NCK1: variants seen among roughly 807,000 people sequenced by gnomAD.
The protein encoded by NCK1 is NCK adaptor protein 1.
NCK1 carries 19 observed loss-of-function variants against 36.6 expected under a neutral mutation model. The observed-to-expected ratio is 0.52, with a 90% CI of 0.36 to 0.76. The LOEUF (loss-of-function observed/expected upper bound fraction) is 0.76, where lower values mean the gene tolerates loss of function less well. Ranked by LOEUF, NCK1 falls within the 30% of genes least tolerant of loss-of-function variation. The probability of loss-of-function intolerance (pLI) is 0.00; values close to 1 mark genes in which losing one functional copy is unlikely to be tolerated. For missense variants in NCK1, 358 were observed against 445.6 expected (o/e 0.80, Z 1.77); for synonymous variants, 165 against 156.0 (o/e 1.06, Z -0.43).
chr3:136,936,845 A>G (rs1243159998), intron 2 of NCK1, among the ~76,000 whole-genome samples: 4 of 152,184 alleles, frequency 2.6e-5, no homozygotes, highest in African/African-American at 9.6e-5. Flanking sequence ...GTTGGGTTCT[A>G]AGAGTTGTTT....
chr3:136,873,267 T>C (rs113455044), intron 1 of NCK1, among the ~76,000 whole-genome samples: 88 of 152,342 alleles, frequency 5.8e-4, no homozygotes, highest in African/African-American at 1.9e-3. Context: ...ATGTGAGACA[T>C]GGAGTCAAAG....
At position 136,951,323 on chromosome 3, in the gene NCK1, C is replaced by A. The variant is rs1266330734; in HGVS notation, c.*2870C>A. On this transcript the variant is annotated 3_prime_UTR_variant, in exon 4 of 4. Transcript: ENST00000481752. Reference sequence around the variant, plus strand: ...TCACTCCCACCTTGTTGCTGGGGTACCTTCTTCAGGGTACATCTAAACACA... The same window carrying A: ...TCACTCCCACCTTGTTGCTGGGGTAACTTCTTCAGGGTACATCTAAACACA... Among the ~76,000 whole-genome samples, 3 of 152,166 alleles carry A rather than the reference C, an allele frequency of 2.0e-5. No homozygotes were observed. The highest frequency in any genetic ancestry group is 4.4e-5 in the Non-Finnish European group (3 of 68,006).
At chr3:136,935,903 C>G (rs1298695784) in intron 2 of NCK1, among the ~76,000 whole-genome samples, 2 of 152,024 alleles carry the variant, frequency 1.3e-5, no homozygotes, top group African/African-American at 4.8e-5. Flanking sequence ...TTTACCTATT[C>G]TGGATAATTT....
At chr3:136,871,770 G>T (rs1051040049) in intron 1 of NCK1, among the ~76,000 whole-genome samples, 4 of 152,202 alleles carry the variant, frequency 2.6e-5, no homozygotes, top group African/African-American at 9.7e-5. Context: ...TTGAACCATG[G>T]GGGTGGGCCT....
intron 1 of NCK1, among the ~76,000 whole-genome samples, chr3:136,868,343 C>A (rs1043972579): frequency 4.0e-5 from 6 of 149,730 alleles, no homozygotes; most frequent in African/African-American, 1.5e-4. Flanking sequence ...TTTTTTTTTT[C>A]TTGAGACGGA....
intron 1 of NCK1, among the ~76,000 whole-genome samples, chr3:136,903,197 A>G (rs993017877): frequency 1.3e-5 from 2 of 152,182 alleles, no homozygotes; most frequent in Non-Finnish European, 2.9e-5. Context: ...TTACCATTAT[A>G]TAATGACCTT....
intron 1 of NCK1, chr3:136,889,263 GTCTC>G: frequency 5.6e-6 from 1 of 177,782 alleles, no homozygotes; most frequent in East Asian, 1.7e-4. Flanking sequence ...TGGGTTCTTG[GTCTC>G]TCTGACTTCA....
In NCK1 at chr3:136,876,174, A is replaced by G. The variant is rs1576944742; in HGVS notation, c.-19+13821A>G. On this transcript the variant is annotated intron_variant, in intron 1 of 3. Coordinates refer to ENST00000481752, the MANE Select transcript of NCK1 (RefSeq NM_001291999.2). ...AAGCAGTGTGTAGAGGGAAATTTAT[A>G]GCACTAAATGCCCAAAAGAGAAAGC... is the stretch of plus-strand genomic sequence containing the variant. 7.2e-5 allele frequency among the ~76,000 whole-genome samples: 11 copies of G among 152,304 alleles called. No homozygotes were observed. In the South Asian group the frequency reaches 2.1e-3, roughly 29 times the overall value.
chr3:136,912,579 A>G (rs1232706020), intron 1 of NCK1, among the ~76,000 whole-genome samples: 1 of 149,798 alleles, frequency 6.7e-6, no homozygotes, highest in Admixed American at 6.6e-5. Context: ...CCCTGTAGTG[A>G]ATTTTCCATT....
At chr3:136,887,973 T>G (rs1276617737) in intron 1 of NCK1, among the ~76,000 whole-genome samples, 1 of 151,596 alleles carries the variant, frequency 6.6e-6, no homozygotes, top group Non-Finnish European at 1.5e-5. Context: ...AGATGGAGTC[T>G]TGCTCTTGTC....
chr3:136,882,496 TCTTA>T (rs1235678016), intron 1 of NCK1, among the ~76,000 whole-genome samples: 2 of 152,122 alleles, frequency 1.3e-5, no homozygotes, highest in African/African-American at 4.8e-5. Context: ...CAACAATACC[TCTTA>T]CTTGGCAGCA....
At chr3:136,867,072 CT>C (rs1248118708) in intron 1 of NCK1, among the ~76,000 whole-genome samples, 1 of 370 alleles carries the variant, frequency 2.7e-3, no homozygotes, top group African/African-American at 7.5e-3. Context: ...TTCTTTCTTT[CT>C]TTCTTTCTTT....
intron 1 of NCK1, among the ~76,000 whole-genome samples, chr3:136,867,049 TTTC>T (rs1938435574): frequency 2.9e-5 from 1 of 34,290 alleles, no homozygotes; most frequent in African/African-American, 1.6e-4. Context: ...GTTGCTTGCT[TTTC>T]TTTCTTTCTT....
At chr3:136,889,923 G>C (rs1939189582) in intron 1 of NCK1, among the ~76,000 whole-genome samples, 2 of 152,210 alleles carry the variant, frequency 1.3e-5, no homozygotes, top group Admixed American at 1.3e-4. Flanking sequence ...AGACTCAGGA[G>C]CCCAGCTGGC....
chr3:136,907,666 C>T (rs1385041012), intron 1 of NCK1, among the ~76,000 whole-genome samples: 1 of 152,166 alleles, frequency 6.6e-6, no homozygotes, highest in Non-Finnish European at 1.5e-5. Context: ...CTTAGGTGAT[C>T]TATTTGAAGT....
intron 2 of NCK1, among the ~76,000 whole-genome samples, chr3:136,936,194 C>A (rs1940526896): frequency 6.6e-6 from 1 of 152,080 alleles, no homozygotes; most frequent in South Asian, 2.1e-4. Flanking sequence ...GCACATGCCA[C>A]CACGCCTGGC....
intron 2 of NCK1, among the ~76,000 whole-genome samples, chr3:136,940,894 A>T (rs1475012351): frequency 3.3e-5 from 5 of 152,070 alleles, no homozygotes; most frequent in South Asian, 2.1e-4. Flanking sequence ...GTTATCCTTT[A>T]CATGGGATAT....
At chr3:136,892,128 T>G (rs954424822) in intron 1 of NCK1, among the ~76,000 whole-genome samples, 2 of 152,124 alleles carry the variant, frequency 1.3e-5, no homozygotes, top group African/African-American at 4.8e-5. Flanking sequence ...CCTCAAGGGA[T>G]CCTCCTGTCT....
chr3:136,875,766 T>TA (rs2108072586), intron 1 of NCK1, among the ~76,000 whole-genome samples: 1 of 148,932 alleles, frequency 6.7e-6, no homozygotes, highest in South Asian at 2.2e-4. Context: ...TCAACAAGGA[T>TA]ACCCAGGAAT....
Sources: allele counts gnomAD v4.1 joint callset (sites outside exome capture counted in the v4.1 genomes callset), GRCh38; gene constraint gnomAD v4.1.1; transcripts MANE v1.5; gene names NCBI Gene and HGNC (gene_info 2026-07-23, HGNC 2026-07-21).